The following NELL2 variants were observed in gnomAD, a reference collection of about 807,000 sequenced individuals.
NELL2 encodes the protein neural EGFL like 2.
Under a neutral mutation model 109.6 loss-of-function variants are expected in NELL2, and 41 were observed. The ratio of observed to expected loss-of-function variants is 0.37; its 90% CI spans 0.29 to 0.49. The LOEUF (loss-of-function observed/expected upper bound fraction) is 0.49, where lower values mean the gene tolerates loss of function less well. NELL2 is among the 20% of genes least tolerant of loss of function. NELL2 has a pLI of 0.98. For missense variants in NELL2, 900 were observed against 1,008.3 expected (o/e 0.89, Z 1.45); for synonymous variants, 355 against 344.7 (o/e 1.03, Z -0.33).
exon 1 of NELL2, chr12:44,913,859 G>A (rs1200587059): frequency 1.4e-6 from 1 of 734,786 alleles, no homozygotes; most frequent in Admixed American, 3.5e-5. Context: ...ATGTCTAAAA[G>A]GTTCTTTTTT....
At chr12:44,579,296 CA>C (rs1944237268) in intron 15 of NELL2, among the ~76,000 whole-genome samples, 3 of 152,162 alleles carry the variant, frequency 2.0e-5, no homozygotes, top group South Asian at 4.2e-4. Flanking sequence ...GCAGGTATAC[CA>C]GGGGGCTAAT....
At chr12:44,588,890 T>C (rs34181538) in intron 15 of NELL2, among the ~76,000 whole-genome samples, 25,259 of 152,166 alleles carry the variant, frequency 0.17, 2,498 homozygotes, top group East Asian at 0.29. Flanking sequence ...TTTGGTAACA[T>C]CTAATCGACT....
intron 2 of NELL2, among the ~76,000 whole-genome samples, chr12:44,873,630 A>G (rs1945227207): frequency 6.6e-6 from 1 of 152,108 alleles, no homozygotes; most frequent in Non-Finnish European, 1.5e-5. Context: ...TAGGAGCTTT[A>G]GATTCCATAA....
intron 3 of NELL2, among the ~76,000 whole-genome samples, chr12:44,782,438 C>A (rs1004597056): frequency 6.6e-6 from 1 of 151,754 alleles, no homozygotes; most frequent in Non-Finnish European, 1.5e-5. Flanking sequence ...TTACATGCAT[C>A]AATTAAAAGA....
intron 15 of NELL2, among the ~76,000 whole-genome samples, chr12:44,590,668 C>T (rs148146284): frequency 5.9e-5 from 9 of 152,096 alleles, no homozygotes; most frequent in South Asian, 4.1e-4. Flanking sequence ...AATAACAACA[C>T]AGAAGAAAAC....
At chr12:44,744,341 G>C (rs1394978970) in intron 9 of NELL2, among the ~76,000 whole-genome samples, 1 of 152,024 alleles carries the variant, frequency 6.6e-6, no homozygotes. Context: ...GCCCACAAGA[G>C]AAAGCAGGAA....
chr12:44,687,087 G>A (rs1388716561), intron 12 of NELL2, among the ~76,000 whole-genome samples: 1 of 152,204 alleles, frequency 6.6e-6, no homozygotes, highest in Non-Finnish European at 1.5e-5. Context: ...TCCGAGCCAA[G>A]TGGGGGATAT....
chr12:44,684,645 A>T (rs891210192), intron 12 of NELL2, among the ~76,000 whole-genome samples: 11 of 152,110 alleles, frequency 7.2e-5, no homozygotes, highest in Non-Finnish European at 1.3e-4. Context: ...TTCAAAGAAC[A>T]TCTTTATTTC....
intron 12 of NELL2, among the ~76,000 whole-genome samples, chr12:44,699,481 C>G (rs1949160908): frequency 6.6e-6 from 1 of 152,076 alleles, no homozygotes; most frequent in African/African-American, 2.4e-5. Context: ...AGAAAGGGTA[C>G]AGAAGTTAAA....
intron 12 of NELL2, among the ~76,000 whole-genome samples, chr12:44,675,812 A>G (rs538754046): frequency 2.0e-5 from 3 of 152,220 alleles, no homozygotes; most frequent in African/African-American, 7.2e-5. Flanking sequence ...TCCCTCTAGG[A>G]CAGGCTTATA....
intron 13 of NELL2, among the ~76,000 whole-genome samples, chr12:44,658,402 C>G (rs1490932339): frequency 6.6e-6 from 1 of 152,132 alleles, no homozygotes; most frequent in Non-Finnish European, 1.5e-5. Context: ...TGAAGGACCT[C>G]TTCAAGGAAA....
intron 2 of NELL2, among the ~76,000 whole-genome samples, chr12:44,851,054 T>C (rs1944520686): frequency 6.6e-6 from 1 of 152,176 alleles, no homozygotes; most frequent in Non-Finnish European, 1.5e-5. Flanking sequence ...CCTAAATAAC[T>C]ATGAATGAAA....
intron 15 of NELL2, among the ~76,000 whole-genome samples, chr12:44,602,052 A>G (rs1280349137): frequency 6.6e-6 from 1 of 152,168 alleles, no homozygotes; most frequent in Non-Finnish European, 1.5e-5. Context: ...AAGCCAATTC[A>G]AGCAGGGTAC....
chr12:44,917,286 A>T (rs79742347), upstream of NELL2, among the ~76,000 whole-genome samples: 1,602 of 152,340 alleles, frequency 0.011, 31 homozygotes, highest in East Asian at 0.048. Flanking sequence ...ATAAAACAAC[A>T]TTATGACGTA....
chr12:44,820,762 T>C (rs1022005080), intron 2 of NELL2, among the ~76,000 whole-genome samples: 7 of 152,194 alleles, frequency 4.6e-5, no homozygotes, highest in African/African-American at 1.2e-4. Flanking sequence ...AGTGGAAGCC[T>C]GATGGTACCC....
At chr12:44,601,919 C>T (rs1592189165) in intron 15 of NELL2, among the ~76,000 whole-genome samples, 1 of 152,110 alleles carries the variant, frequency 6.6e-6, no homozygotes, top group East Asian at 1.9e-4. Flanking sequence ...CTTTTGTGTT[C>T]TTGACCACTA....
intron 1 of NELL2, among the ~76,000 whole-genome samples, chr12:44,886,871 T>C (rs1407413864): frequency 2.0e-5 from 3 of 151,982 alleles, no homozygotes; most frequent in Non-Finnish European, 2.9e-5. Flanking sequence ...CTTTATGAGA[T>C]CTATTTTTTT....
chr12:44,876,644 G>GA, upstream of NELL2: 1 of 1,551,372 alleles, frequency 6.4e-7, no homozygotes, highest in Non-Finnish European at 8.7e-7. Context: ...AGACAGGAGA[G>GA]AAAAAAGACC....
chr12:44,578,750 A>G (rs914204600), intron 15 of NELL2, among the ~76,000 whole-genome samples: 5 of 152,150 alleles, frequency 3.3e-5, no homozygotes, highest in African/African-American at 9.7e-5. Flanking sequence ...TTAACATCCA[A>G]CAAAATGGTG....
Sources: allele counts gnomAD v4.1 joint callset (sites outside exome capture counted in the v4.1 genomes callset), GRCh38; gene constraint gnomAD v4.1.1; transcripts MANE v1.5; gene names NCBI Gene and HGNC (gene_info 2026-07-23, HGNC 2026-07-21).